The following PLXNA3 variants were observed in gnomAD, a reference collection of about 807,000 sequenced individuals.
The protein encoded by PLXNA3 is plexin A3.
Under a neutral mutation model 118.8 loss-of-function variants are expected in PLXNA3, and 52 were observed. The observed-to-expected ratio is 0.44, with a 90% CI of 0.35 to 0.55. The LOEUF is 0.55. Ranked by LOEUF, PLXNA3 falls within the 20% of genes least tolerant of loss-of-function variation. The pLI is 0.01. For missense variants in PLXNA3, 1,660 were observed against 1,730.8 expected (o/e 0.96, Z 0.73); for synonymous variants, 925 against 762.4 (o/e 1.21, Z -3.51).
intron 2 of PLXNA3, 131 bp from the exon 3 acceptor site, chrX:154,460,968 C>G (rs1005325985): frequency 4.4e-6 from 3 of 684,868 alleles, no homozygotes; most frequent in Non-Finnish European, 6.5e-6. Context: ...GTCACCCTGC[C>G]CTCTGCAGCC....
chrX:154,467,523 T>C, intron 19 of PLXNA3, 22 bp from the exon 20 acceptor site: 1 of 1,165,756 alleles, frequency 8.6e-7, no homozygotes, highest in Non-Finnish European at 1.1e-6. Flanking sequence ...AGTCCTGGGC[T>C]GAAGTTGTCC....
In PLXNA3 at chrX:154,461,728, G is replaced by C. The variant is rs1433430241; in HGVS notation, c.1134+90G>C. Reference sequence around the variant, plus strand: ...GCTCACGGCCAGTCATCCTGTCCCAGGCTTTGCCATGGCCCTGGGAGTGGC... The same window carrying C: ...GCTCACGGCCAGTCATCCTGTCCCACGCTTTGCCATGGCCCTGGGAGTGGC... On this transcript the variant is annotated intron_variant, in intron 3 of 32. Coordinates refer to ENST00000369682, the MANE Select transcript of PLXNA3 (RefSeq NM_017514.5). The C allele has an allele frequency of 3.2e-6, 3 of 942,523 alleles. No individual in the cohort carries two copies. In the African/African-American group the frequency reaches 5.8e-5, roughly 18 times the overall value. 77.7% of individuals were successfully genotyped at this position (942,523 alleles called of 1,213,427 possible).
rs1603389831 is a variant in PLXNA3 at position 154,461,011 on chromosome X, G to A, written c.595-88G>A. On this transcript the variant is annotated intron_variant, in intron 2 of 32. Transcript: ENST00000369682. ...CCTGGGCCTCTGTGATCATCCAGGC[G>A]GGAGGGGGATGCAGAGGGAAGCTGG... 38 of 861,857 alleles carry A rather than the reference G, an allele frequency of 4.4e-5. 1 individual carries two copies. The highest frequency in any genetic ancestry group is 8.0e-5 in the African/African-American group (4 of 49,840). 71.0% of individuals were successfully genotyped at this position (861,857 alleles called of 1,213,427 possible).
At chrX:154,470,829 C>G in intron 30 of PLXNA3, 1 of 450,681 alleles carries the variant, frequency 2.2e-6, no homozygotes, top group Non-Finnish European at 3.8e-6. Context: ...GGTGGTGAGG[C>G]CTTTGCCCTC....
chrX:154,470,174 G>A lies in PLXNA3; in HGVS notation c.4986+7G>A. Reference sequence around the variant, plus strand: ...ACGGCTGCTGGCCACCAAGGTATGGGCCTGCCTCTCGCCACCTTGGCCTCC... The same window carrying A: ...ACGGCTGCTGGCCACCAAGGTATGGACCTGCCTCTCGCCACCTTGGCCTCC... On this transcript the variant is annotated splice_region_variant and intron_variant, in intron 29 of 32. Coordinates refer to ENST00000369682, the MANE Select transcript of PLXNA3 (RefSeq NM_017514.5). 1 of 1,205,085 alleles carries A rather than the reference G, an allele frequency of 8.3e-7. No homozygotes were observed. The highest frequency in any genetic ancestry group is 1.1e-6 in the Non-Finnish European group (1 of 891,193).
At chrX:154,462,403 G>C (rs987231653) in intron 4 of PLXNA3, 93 bp downstream of exon 4, 52 of 658,311 alleles carry the variant, frequency 7.9e-5, no homozygotes, top group Non-Finnish European at 1.0e-4. Flanking sequence ...CTGAGGACAG[G>C]ACAGGAGAGG....
intron 27 of PLXNA3, 24 bp downstream of exon 27, chrX:154,469,506 C>A: frequency 8.9e-7 from 1 of 1,128,842 alleles, no homozygotes; most frequent in Non-Finnish European, 1.2e-6. Context: ...GCCCATTCCT[C>A]CCCAGGGCCA....
chrX:154,462,106 G>T, intron 3 of PLXNA3, 22 bp from the exon 4 acceptor site: 1 of 1,159,137 alleles, frequency 8.6e-7, no homozygotes, highest in South Asian at 1.9e-5. Context: ...GACTCTCACG[G>T]GTTCCTCCTC....
chrX:154,463,563 G>GGGGGGGGGGGGGGGGGGGGGGGC, intron 5 of PLXNA3, 27 bp from the exon 6 acceptor site: 3 of 990,570 alleles, frequency 3.0e-6, no homozygotes, highest in Non-Finnish European at 2.8e-6. Flanking sequence ...GCGGGGGTGG[G>GGGGGGGGGGGGGGGGGGGGGGGC]CTGGGTGCTG....
At position 154,465,246 on chromosome X, in the gene PLXNA3, G is replaced by A. The variant is rs781920529; in HGVS notation, c.2244+28G>A. 38 of 1,169,575 alleles carry A rather than the reference G, an allele frequency of 3.2e-5. No individual in the cohort carries two copies. The South Asian group carries it at 3.8e-4, about 12-fold the overall frequency. On this transcript the variant is annotated intron_variant, in intron 11 of 32. Coordinates refer to ENST00000369682, the MANE Select transcript of PLXNA3 (RefSeq NM_017514.5). The stretch of plus-strand genomic sequence containing the variant: ...GAGGTCCCACCCGCTGCCTCCCTTC[G>A]GGGTCTGGGCTGTGGCGTGGTGTGG...
chrX:154,464,811 G>A lies in PLXNA3; in HGVS notation c.1986G>A (p.Thr662=), dbSNP rs782662910. Residue 662 remains threonine, a synonymous_variant, in exon 10 of 33, where the codon ACG becomes ACA. Coordinates refer to ENST00000369682, the MANE Select transcript of PLXNA3 (RefSeq NM_017514.5). The stretch of plus-strand genomic sequence containing the variant: ...GCCACTGGTGTAAGTACCGCCACAC[G>A]TGTACCAGCCGCCCCCACGAGTGCT... ...YPCHWCKYRH[T]CTSRPHECSF... The A allele has an allele frequency of 1.2e-5, 14 of 1,206,663 alleles. No individual in the cohort carries two copies. Among genetic ancestry groups the A allele is most frequent in the South Asian group, 3.6e-5 (2 of 56,200 alleles).
rs782625294 is a variant in PLXNA3, at chrX:154,461,150, C to G, written c.646C>G (p.Leu216Val). Residue 216 changes from leucine (L) to valine (V), a missense_variant, in exon 3 of 33, where the codon CTG (leucine) becomes GTG (valine). Around this residue, in one of 2 missense-constraint regions of PLXNA3, gnomAD observed 791 missense variants for 652.1 expected, o/e 1.21. Transcript: ENST00000369682. ...CCAGATCAAGATCCCCTCAGACACG[C>G]TGTCCTTGTACCCTGCCTTTGACAT... ...SSQIKIPSDT[L>V]SLYPAFDIYY... 8.3e-7 allele frequency: 1 copy of G among 1,209,358 alleles called. No homozygotes were observed. Among genetic ancestry groups the G allele is most frequent in the Non-Finnish European group, 1.1e-6 (1 of 892,985 alleles).
At chrX:154,463,563 G>GGGGGGGGGGGGGGC in intron 5 of PLXNA3, 27 bp from the exon 6 acceptor site, 2 of 990,549 alleles carry the variant, frequency 2.0e-6, no homozygotes. Flanking sequence ...GCGGGGGTGG[G>GGGGGGGGGGGGGGC]CTGGGTGCTG....
Position 154,460,360 on chromosome X carries a change from C to T in PLXNA3, c.177C>T (p.Asn59=), listed in dbSNP as rs782379622. The T allele has an allele frequency of 9.9e-6, 12 of 1,210,846 alleles. No homozygotes were observed. Among genetic ancestry groups the T allele is most frequent in the Non-Finnish European group, 1.3e-5 (12 of 895,042 alleles). Residue 59 remains asparagine, a synonymous_variant, in exon 2 of 33, where the codon AAC becomes AAT. Coordinates refer to ENST00000369682, the MANE Select transcript of PLXNA3 (RefSeq NM_017514.5). ...AVNRVFKLAP[N]LTELRAHVTG... ...ACCGAGTCTTTAAGCTGGCCCCCAA[C>T]CTGACTGAGCTGCGGGCCCATGTCA...
In PLXNA3 at chrX:154,468,936, G is replaced by A. The variant is rs782119933; in HGVS notation, c.4401G>A (p.Lys1467=). 1 of 1,212,029 alleles carries A rather than the reference G, an allele frequency of 8.3e-7. No individual in the cohort carries two copies. Among genetic ancestry groups the A allele is most frequent in the East Asian group, 3.0e-5 (1 of 33,857 alleles). The change falls in exon 25 of 33, where the codon AAG becomes AAA. Residue 1467 remains lysine (K), a synonymous_variant. Coordinates refer to ENST00000369682, the MANE Select transcript of PLXNA3 (RefSeq NM_017514.5). ...CACGATACTCCCTGAGCGAGGACAA[G>A]CTCATCCGTCAGCAGATCGACTACA... ...GEARYSLSED[K]LIRQQIDYKT... is the part of the protein sequence containing the mutation.
At position 154,476,944 on chromosome X, in the gene PLXNA3, A is replaced by G. The variant is rs1557210997; in HGVS notation, c.*4259A>G. The G allele has an allele frequency of 2.7e-5, 3 of 112,008 alleles. No individual in the cohort carries two copies. Among genetic ancestry groups the G allele is most frequent in the African/African-American group, 6.5e-5 (2 of 30,781 alleles). The allele number at this position is 112,008 out of a possible 1,213,427, so 9.2% of individuals were successfully genotyped here. On this transcript the variant is annotated 3_prime_UTR_variant, in exon 33 of 33. Transcript: ENST00000369682. ...AGAACCAGAGAGAAGAGAGCTGCAC[A>G]GGGAAAGAACCCTGGATATCCACAG...
Position 154,465,431 on chromosome X carries a change from A to G in PLXNA3, c.2252A>G (p.Tyr751Cys). 8.3e-7 allele frequency: 1 copy of G among 1,200,614 alleles called. No individual in the cohort carries two copies. Reference sequence around the variant, plus strand: ...TGGGTTCCTTTCCTCCAGTACTCCTATGAAGGTGATGAGCATGGTGACACC... The same window carrying G: ...TGGGTTCCTTTCCTCCAGTACTCCTGTGAAGGTGATGAGCATGGTGACACC... The part of the protein sequence containing the change: ...SVQCQNASYS[Y>C]EGDEHGDTEL... Residue 751 changes from tyrosine to cysteine, a missense_variant, in exon 12 of 33, where the codon TAT (tyrosine) becomes TGT (cysteine). This residue lies in a region of PLXNA3 where 869 missense variants were observed against 1,078.7 expected (regional missense o/e 0.81). Coordinates refer to ENST00000369682, the MANE Select transcript of PLXNA3 (RefSeq NM_017514.5).
Position 154,461,398 on chromosome X carries a change from C to G in PLXNA3, c.894C>G (p.Ala298=). The stretch of plus-strand genomic sequence containing the variant: ...GCTTGGTGCAGAGCGCCCACCTGGC[C>G]AAGCCTGGCCTGCTGCTGGCCCAGG... ...EYRLVQSAHL[A]KPGLLLAQAL... Residue 298 remains alanine, a synonymous_variant, in exon 3 of 33, where the codon GCC becomes GCG. Coordinates refer to ENST00000369682, the MANE Select transcript of PLXNA3 (RefSeq NM_017514.5). 3 of 1,211,561 alleles carry G rather than the reference C, an allele frequency of 2.5e-6. No individual in the cohort carries two copies. The highest frequency in any genetic ancestry group is 3.4e-6 in the Non-Finnish European group (3 of 895,185).
intron 31 of PLXNA3, 60 bp downstream of exon 31, chrX:154,471,377 G>A (rs2069181274): frequency 8.6e-7 from 1 of 1,156,850 alleles, no homozygotes; most frequent in Non-Finnish European, 1.2e-6. Context: ...TGGGCTGCCT[G>A]TGCGAGGCAG....
Sources: allele counts gnomAD v4.1 joint callset, GRCh38; gene constraint gnomAD v4.1.1; regional missense constraint gnomAD v4.1.1; transcripts MANE v1.5; gene names NCBI Gene and HGNC (gene_info 2026-07-23, HGNC 2026-07-21).